The following BPNT1 variants were observed in gnomAD, a reference collection of about 807,000 sequenced individuals.
The protein encoded by BPNT1 is 3'(2'), 5'-bisphosphate nucleotidase 1.
A neutral mutation model predicts 36.9 loss-of-function variants in BPNT1; 28 were observed. The ratio of observed to expected loss-of-function variants is 0.76; its 90% confidence interval spans 0.56 to 1.04. The LOEUF (loss-of-function observed/expected upper bound fraction) is 1.04, where lower values mean the gene tolerates loss of function less well. Among genes scored for constraint, BPNT1 ranks in the 50% least tolerant of loss-of-function variants. The pLI is 0.00. For synonymous variants in BPNT1, 119 were observed against 130.9 expected (o/e 0.91, Z 0.62); for missense variants, 313 against 372.9 (o/e 0.84, Z 1.32).
chr1:220,079,765 G>C lies in BPNT1; in HGVS notation c.82C>G (p.Arg28Gly). ...CCCAGGTCTCCTTCAGCAATAACAC[G>C]TCTGACTATCATTCCTGCCTTTTGA... ...IAQKAGMIVRRVIAEGDLGIV... is the reference protein window; with the variant it reads ...IAQKAGMIVRGVIAEGDLGIV... Residue 28 changes from arginine (R) to glycine (G), a missense_variant, in exon 2 of 9, where the codon CGT becomes GGT. Transcript: ENST00000322067. 2.5e-6 allele frequency: 4 copies of C among 1,614,082 alleles called. No individual in the cohort carries two copies. The highest frequency in any genetic ancestry group is 3.4e-6 in the Non-Finnish European group (4 of 1,179,980).
rs376787283 is a variant in BPNT1 at position 220,079,871 on chromosome 1, A to G, written c.-8-17T>C. The G allele has an allele frequency of 1.9e-6, 3 of 1,602,508 alleles. No homozygotes were observed. In the African/African-American group the frequency reaches 4.0e-5, roughly 22 times the overall value. On this transcript the variant is annotated splice_polypyrimidine_tract_variant and intron_variant, in intron 1 of 8. Coordinates refer to ENST00000322067, the MANE Select transcript of BPNT1 (RefSeq NM_006085.6). ...TGGTACACTCTAAAAAGAGATCAAGAAAAATGTCTTGTTAGTTTCAAAGCC... is the reference window on the plus strand; with the variant it reads ...TGGTACACTCTAAAAAGAGATCAAGGAAAATGTCTTGTTAGTTTCAAAGCC...
At chr1:220,081,679 T>A (rs1655139691) in intron 1 of BPNT1, among the ~76,000 whole-genome samples, 1 of 152,146 alleles carries the variant, frequency 6.6e-6, no homozygotes, top group African/African-American at 2.4e-5. Context: ...GGCTTTCAGC[T>A]GCCATCTTTC....
At chr1:220,082,095 G>T (rs946711251) in intron 1 of BPNT1, among the ~76,000 whole-genome samples, 1,749 of 140,464 alleles carry the variant, frequency 0.012, 18 homozygotes, top group African/African-American at 0.029. Context: ...TAGAGAGAGA[G>T]AGAGAGAGAG....
intron 1 of BPNT1, among the ~76,000 whole-genome samples, chr1:220,089,101 G>GAAA (rs764942826): frequency 0.02 from 777 of 38,412 alleles, 39 homozygotes; most frequent in African/African-American, 0.064. Context: ...ACTCCGTCTC[G>GAAA]AAAAAAAAAA....
At chr1:220,080,701 G>A (rs1238720727) in intron 1 of BPNT1, among the ~76,000 whole-genome samples, 4 of 152,198 alleles carry the variant, frequency 2.6e-5, no homozygotes. Context: ...TGGGGATTAT[G>A]AGGATTACAA....
intron 3 of BPNT1, 63 bp downstream of exon 3, chr1:220,073,904 G>A (rs1571770700): frequency 7.5e-7 from 1 of 1,328,066 alleles, no homozygotes; most frequent in Admixed American, 1.8e-5. Context: ...AATCATTAAA[G>A]TGTCAGTTAT....
At chr1:220,080,473 T>A (rs569284129) in intron 1 of BPNT1, among the ~76,000 whole-genome samples, 6 of 152,182 alleles carry the variant, frequency 3.9e-5, no homozygotes, top group Non-Finnish European at 8.8e-5. Context: ...AGAGGTTGAA[T>A]TGACTCACAG....
Position 220,058,719 on chromosome 1 carries a change from G to T in BPNT1, c.*125C>A. ...GTTAATTTGTATTTTTGTAGAGATG[G>T]GGTCTCACGATATTGCCCAGGCTGG... On this transcript the variant is annotated 3_prime_UTR_variant, in exon 9 of 9. Coordinates refer to ENST00000322067, the MANE Select transcript of BPNT1 (RefSeq NM_006085.6). 1.0e-6 allele frequency: 1 copy of T among 952,688 alleles called. No homozygotes were observed. The highest frequency in any genetic ancestry group is 1.6e-6 in the Non-Finnish European group (1 of 640,786). 59.0% of individuals were successfully genotyped at this position (952,688 alleles called of 1,614,324 possible).
intron 1 of BPNT1, among the ~76,000 whole-genome samples, chr1:220,087,844 G>A (rs1357112137): frequency 6.6e-6 from 1 of 151,956 alleles, no homozygotes; most frequent in African/African-American, 2.4e-5. Flanking sequence ...CTAAAACAAT[G>A]AGAAATGATT....
chr1:220,082,213 C>T (rs1407699439), intron 1 of BPNT1, among the ~76,000 whole-genome samples: 1 of 148,996 alleles, frequency 6.7e-6, no homozygotes, highest in African/African-American at 2.5e-5. Flanking sequence ...CAGAGTCTTG[C>T]TCTGTCGCCC....
chr1:220,071,958 A>G (rs1664100330), intron 4 of BPNT1, among the ~76,000 whole-genome samples: 1 of 151,954 alleles, frequency 6.6e-6, no homozygotes, highest in Admixed American at 6.6e-5. Context: ...AAGTGCTGGG[A>G]TTATAGGCGT....
At chr1:220,076,266 C>A (rs1006891112) in intron 2 of BPNT1, among the ~76,000 whole-genome samples, 7 of 152,018 alleles carry the variant, frequency 4.6e-5, no homozygotes, top group Admixed American at 1.3e-4. Context: ...TTTTGGGAGG[C>A]TGAGGTGGGC....
intron 1 of BPNT1, among the ~76,000 whole-genome samples, chr1:220,083,965 T>C (rs921120306): frequency 1.3e-5 from 2 of 152,134 alleles, no homozygotes; most frequent in African/African-American, 4.8e-5. Context: ...ATTAATTTTC[T>C]TGGCATACTA....
intron 2 of BPNT1, among the ~76,000 whole-genome samples, chr1:220,078,156 G>A (rs1664724709): frequency 6.8e-6 from 1 of 147,056 alleles, no homozygotes; most frequent in African/African-American, 2.5e-5. Context: ...CTCCAGCATT[G>A]GGCAACAATG....
At chr1:220,087,650 G>GA (rs1206776391) in intron 1 of BPNT1, among the ~76,000 whole-genome samples, 1 of 151,894 alleles carries the variant, frequency 6.6e-6, no homozygotes, top group Admixed American at 6.6e-5. Flanking sequence ...GACAAAATGA[G>GA]AAAAAAATAT....
intron 1 of BPNT1, among the ~76,000 whole-genome samples, chr1:220,081,207 A>C (rs1655084822): frequency 6.6e-6 from 1 of 152,134 alleles, no homozygotes; most frequent in African/African-American, 2.4e-5. Flanking sequence ...TGCTGGGATT[A>C]CAGGCGTGAG....
At chr1:220,069,891 G>A (rs191693379) in intron 4 of BPNT1, among the ~76,000 whole-genome samples, 152 of 151,844 alleles carry the variant, frequency 1.0e-3, no homozygotes, top group Non-Finnish European at 1.4e-3. Flanking sequence ...AGCAGAGATC[G>A]TGCCATTGCA....
chr1:220,085,393 C>T (rs183749534), intron 1 of BPNT1, among the ~76,000 whole-genome samples: 1 of 152,346 alleles, frequency 6.6e-6, no homozygotes, highest in Admixed American at 6.5e-5. Context: ...CTGCAGCCCA[C>T]TACCTGTGTT....
intron 1 of BPNT1, among the ~76,000 whole-genome samples, chr1:220,082,093 G>T (rs796534714): frequency 0.04 from 5,379 of 134,896 alleles, 101 homozygotes; most frequent in African/African-American, 0.05. Flanking sequence ...TATAGAGAGA[G>T]AGAGAGAGAG....
Sources: allele counts gnomAD v4.1 joint callset (sites outside exome capture counted in the v4.1 genomes callset), GRCh38; gene constraint gnomAD v4.1.1; transcripts MANE v1.5; gene names NCBI Gene and HGNC (gene_info 2026-07-23, HGNC 2026-07-21).